Variants in CTNNA3 observed in about 807,000 individuals in gnomAD.
CTNNA3 encodes the protein catenin alpha 3.
In CTNNA3, 76 loss-of-function variants were observed where a neutral mutation model predicts 95.7. That is an observed-to-expected ratio of 0.79 (90% CI 0.66 to 0.96). CTNNA3 has a LOEUF of 0.96. Ranked by LOEUF, CTNNA3 falls within the 40% of genes least tolerant of loss-of-function variation. The pLI is 0.00. For missense variants in CTNNA3, 1,191 were observed against 1,089.8 expected (o/e 1.09, Z -1.31); for synonymous variants, 431 against 374.4 (o/e 1.15, Z -1.74).
chr10:67,550,424 A>T (rs1022376340), intron 3 of CTNNA3, among the ~76,000 whole-genome samples: 1 of 152,174 alleles, frequency 6.6e-6, no homozygotes, highest in East Asian at 1.9e-4. Context: ...CTACCTTTCA[A>T]TGAAATCCTG....
intron 5 of CTNNA3, among the ~76,000 whole-genome samples, chr10:67,260,275 G>T (rs1866545494): frequency 6.6e-6 from 1 of 152,162 alleles, no homozygotes; most frequent in Non-Finnish European, 1.5e-5. Context: ...GCTACACTCG[G>T]AAGAGGACCC....
chr10:66,270,005 C>T (rs1381370059), intron 13 of CTNNA3, among the ~76,000 whole-genome samples: 1 of 152,112 alleles, frequency 6.6e-6, no homozygotes, highest in East Asian at 1.9e-4. Flanking sequence ...ACTCTTAAAA[C>T]CATCTTAAAT....
chr10:66,577,181 T>C (rs4420161), intron 10 of CTNNA3, among the ~76,000 whole-genome samples: 43,679 of 151,450 alleles, frequency 0.29, 6,707 homozygotes, highest in Middle Eastern at 0.42. Context: ...GCAATTAATA[T>C]ATTTTTGCTT....
At chr10:67,263,857 T>G (rs1048846363) in intron 5 of CTNNA3, among the ~76,000 whole-genome samples, 1 of 152,076 alleles carries the variant, frequency 6.6e-6, no homozygotes, top group Admixed American at 6.6e-5. Context: ...GAACGAGAAC[T>G]TCAATTCCAA....
chr10:66,196,972 A>G (rs75277734), intron 13 of CTNNA3, among the ~76,000 whole-genome samples: 4,341 of 152,002 alleles, frequency 0.029, 212 homozygotes, highest in African/African-American at 0.099. Flanking sequence ...TAGGCAGGAC[A>G]AATTACAGCT....
At chr10:66,964,188 A>T (rs1236564937) in intron 7 of CTNNA3, among the ~76,000 whole-genome samples, 1 of 151,786 alleles carries the variant, frequency 6.6e-6, no homozygotes, top group African/African-American at 2.4e-5. Flanking sequence ...CGTAGGAAAA[A>T]CTTTGTCACA....
intron 7 of CTNNA3, among the ~76,000 whole-genome samples, chr10:66,807,190 A>G (rs1340583407): frequency 6.6e-6 from 1 of 152,024 alleles, no homozygotes; most frequent in Non-Finnish European, 1.5e-5. Flanking sequence ...AAAATTACCT[A>G]CTTGTTAACT....
intron 3 of CTNNA3, among the ~76,000 whole-genome samples, chr10:67,580,187 G>C (rs1199877095): frequency 6.6e-6 from 1 of 152,092 alleles, no homozygotes; most frequent in Admixed American, 6.5e-5. Context: ...TATGGTTTTA[G>C]GTCTGACATT....
At chr10:66,521,676 C>G (rs947724358) in intron 10 of CTNNA3, among the ~76,000 whole-genome samples, 1 of 152,116 alleles carries the variant, frequency 6.6e-6, no homozygotes, top group Admixed American at 6.6e-5. Context: ...TTCTTTGGCC[C>G]TCCAGGAAGT....
chr10:65,966,836 C>T (rs1446621175), intron 16 of CTNNA3, 90 bp from the exon 17 acceptor site: 1 of 931,684 alleles, frequency 1.1e-6, no homozygotes, highest in Non-Finnish European at 1.5e-6. Context: ...ATGGCAGGTA[C>T]CTTATAAAGC....
At chr10:66,447,741 A>T (rs1259347523) in intron 11 of CTNNA3, among the ~76,000 whole-genome samples, 32 of 152,082 alleles carry the variant, frequency 2.1e-4, no homozygotes, top group African/African-American at 7.7e-4. Context: ...AAACCTAGGC[A>T]ATACCATTCA....
intron 13 of CTNNA3, among the ~76,000 whole-genome samples, chr10:66,143,025 A>G (rs2083696234): frequency 6.6e-6 from 1 of 152,108 alleles, no homozygotes; most frequent in African/African-American, 2.4e-5. Context: ...TAAATTTCTG[A>G]CAGTGTAATA....
intron 12 of CTNNA3, among the ~76,000 whole-genome samples, chr10:66,315,817 T>C (rs897387092): frequency 6.6e-6 from 1 of 152,076 alleles, no homozygotes; most frequent in South Asian, 2.1e-4. Context: ...AAGCCCATAT[T>C]TCCTACAACA....
chr10:66,765,260 T>C (rs1489348049), intron 9 of CTNNA3, among the ~76,000 whole-genome samples: 1 of 152,232 alleles, frequency 6.6e-6, no homozygotes, highest in East Asian at 1.9e-4. Flanking sequence ...GTAGATGTTA[T>C]ATTGAATGGT....
At chr10:66,624,827 A>G (rs1844876330) in intron 9 of CTNNA3, among the ~76,000 whole-genome samples, 1 of 152,136 alleles carries the variant, frequency 6.6e-6, no homozygotes, top group South Asian at 2.1e-4. Flanking sequence ...GCGACTATTA[A>G]CTAGCAATAT....
Position 67,139,704 on chromosome 10 carries a change from C to T in CTNNA3, c.1047+40613G>A, listed in dbSNP as rs139765152. Among the ~76,000 whole-genome samples the T allele has an allele frequency of 2.7e-3, 417 of 152,162 alleles. 2 individuals carry two copies. The highest frequency in any genetic ancestry group is 9.4e-3 in the African/African-American group (391 of 41,526). ...CTGGAATTACAGGTGTGAGCCACTG[C>T]GCCCAACCTAAAAAATGTAATAGAT... is the stretch of plus-strand genomic sequence containing the variant. On this transcript the variant is annotated intron_variant, in intron 7 of 17. Coordinates refer to ENST00000433211, the MANE Select transcript of CTNNA3 (RefSeq NM_013266.4).
At chr10:66,669,328 G>C (rs972747338) in intron 9 of CTNNA3, among the ~76,000 whole-genome samples, 1 of 152,044 alleles carries the variant, frequency 6.6e-6, no homozygotes, top group Admixed American at 6.6e-5. Flanking sequence ...TGGATCACTT[G>C]AGGTCAGGAG....
chr10:66,329,636 T>C (rs530240098), intron 12 of CTNNA3, among the ~76,000 whole-genome samples: 1 of 151,608 alleles, frequency 6.6e-6, no homozygotes, highest in Non-Finnish European at 1.5e-5. Context: ...AATGAAAGAA[T>C]GAACGAACAG....
intron 7 of CTNNA3, among the ~76,000 whole-genome samples, chr10:66,789,161 C>CTT (rs113283775): frequency 4.0e-4 from 60 of 151,714 alleles, no homozygotes; most frequent in South Asian, 2.1e-3. Flanking sequence ...CTTACTAAAC[C>CTT]TTTTTTTTGT....
Sources: allele counts gnomAD v4.1 joint callset (sites outside exome capture counted in the v4.1 genomes callset), GRCh38; gene constraint gnomAD v4.1.1; transcripts MANE v1.5; gene names NCBI Gene and HGNC (gene_info 2026-07-23, HGNC 2026-07-21).